Variants in FLRT3 observed in about 807,000 individuals in gnomAD.
FLRT3 encodes the protein fibronectin leucine rich transmembrane protein 3, also known as leucine-rich repeat transmembrane protein FLRT3.
Under a neutral mutation model 42.6 loss-of-function variants are expected in FLRT3, and 17 were observed. The observed-to-expected ratio is 0.40, with a 90% CI of 0.27 to 0.60. The LOEUF is 0.60. FLRT3 is among the 20% of genes least tolerant of loss of function. FLRT3 has a pLI of 0.44. For synonymous variants in FLRT3, 279 were observed against 286.4 expected (o/e 0.97, Z 0.26); for missense variants, 635 against 789.2 (o/e 0.80, Z 2.34).
chr20:14,325,020 G>T lies in FLRT3; in HGVS notation c.*537C>A, dbSNP rs1433724959. ...ATTACTTCACACATTTTGATTTATT[G>T]AATACCACTGGGATAATACAAATTT... On this transcript the variant is annotated 3_prime_UTR_variant, in exon 3 of 3. Coordinates refer to ENST00000341420, the MANE Select transcript of FLRT3 (RefSeq NM_198391.3). 6.6e-6 allele frequency: 1 copy of T among 152,402 alleles called. No individual in the cohort carries two copies. Among genetic ancestry groups the T allele is most frequent in the African/African-American group, 2.4e-5 (1 of 41,372 alleles). The allele number at this position is 152,402 out of a possible 1,614,324, so 9.4% of individuals were successfully genotyped here.
In FLRT3 at chr20:14,325,361, C is replaced by T. The variant is rs2082716707; in HGVS notation, c.*196G>A. ...GAATTGTGTTCAGGCATCTCCACTA[C>T]ATCAATCGCAGCAGTAACCTGAAAT... On this transcript the variant is annotated 3_prime_UTR_variant, in exon 3 of 3. Transcript: ENST00000341420. 2 of 494,956 alleles carry T rather than the reference C, an allele frequency of 4.0e-6. No individual in the cohort carries two copies. The highest frequency in any genetic ancestry group is 3.8e-5 in the Admixed American group (1 of 26,498). The allele number at this position is 494,956 out of a possible 1,614,324, so 30.7% of individuals were successfully genotyped here.
chr20:14,323,643 G>A lies in FLRT3; in HGVS notation c.*1914C>T, dbSNP rs2082689923. The A allele has an allele frequency of 6.6e-6, 1 of 152,080 alleles. No individual in the cohort carries two copies. Among genetic ancestry groups the A allele is most frequent in the African/African-American group, 2.4e-5 (1 of 41,428 alleles). 9.4% of individuals were successfully genotyped at this position (152,080 alleles called of 1,614,324 possible). On this transcript the variant is annotated 3_prime_UTR_variant, in exon 3 of 3. Transcript: ENST00000341420. ...TTCAATGATCAGACTTTATCTTGAA[G>A]CTACCTAGGGCCTGCCAGCTATCAG... is the stretch of plus-strand genomic sequence containing the variant.
At chr20:14,333,095 C>G (rs1378732190) in intron 1 of FLRT3, among the ~76,000 whole-genome samples, 2 of 151,900 alleles carry the variant, frequency 1.3e-5, no homozygotes, top group African/African-American at 4.8e-5. Flanking sequence ...AGAAGGACCT[C>G]TAACTCTCCT....
At position 14,336,491 on chromosome 20, in the gene FLRT3, A is replaced by G. The variant is rs149193663; in HGVS notation, c.-247+913T>C. Among the ~76,000 whole-genome samples the G allele has an allele frequency of 3.3e-3, 504 of 152,250 alleles. 2 individuals are homozygous for G. Among genetic ancestry groups the G allele is most frequent in the Non-Finnish European group, 4.0e-3 (273 of 68,008 alleles). On this transcript the variant is annotated intron_variant, in intron 1 of 2. Transcript: ENST00000341420. Reference sequence around the variant, plus strand: ...ATTTTTTGAGAAGATACATTTAACTACTTTTTCAAGCTTTGTAGTATAAAT... The same window carrying G: ...ATTTTTTGAGAAGATACATTTAACTGCTTTTTCAAGCTTTGTAGTATAAAT...
At chr20:14,333,552 C>CTT (rs1198264336) in intron 1 of FLRT3, among the ~76,000 whole-genome samples, 3 of 152,080 alleles carry the variant, frequency 2.0e-5, no homozygotes, top group African/African-American at 7.2e-5. Flanking sequence ...TAAATTTGTG[C>CTT]TTTTGAGCAA....
chr20:14,325,794 T>A lies in FLRT3; in HGVS notation c.1713A>T (p.Arg571Ser). ...RNCAYSKGRR[R>S]KDDYAEAGTK... ...TGCCAGCTTCTGCATAGTCATCCTT[T>A]CTTCTCCTCCCTTTGCTATATGCAC... Residue 571 changes from arginine (R) to serine (S), a missense_variant, in exon 3 of 3, where the codon AGA (arginine) becomes AGT (serine). By Grantham distance (110) the Arg-to-Ser change is moderately radical (BLOSUM62 -1). Coordinates refer to ENST00000341420, the MANE Select transcript of FLRT3 (RefSeq NM_198391.3). 6.2e-7 allele frequency: 1 copy of A among 1,613,932 alleles called. No individual in the cohort carries two copies. The highest frequency in any genetic ancestry group is 8.5e-7 in the Non-Finnish European group (1 of 1,179,860).
chr20:14,327,232 T>C lies in FLRT3; in HGVS notation c.275A>G (p.His92Arg), dbSNP rs1601484034. 1 of 1,613,736 alleles carries C rather than the reference T, an allele frequency of 6.2e-7. No homozygotes were observed. The highest frequency in any genetic ancestry group is 2.2e-5 in the East Asian group (1 of 44,872). ...LLKVERIYLY[H>R]NSLDEFPTNL... ...GGTAGGAAATTCATCTAAACTGTTGTGGTATAGGTATATTCTTTCTACTTT... is the reference window on the plus strand; with the variant it reads ...GGTAGGAAATTCATCTAAACTGTTGCGGTATAGGTATATTCTTTCTACTTT... The change falls in exon 3 of 3, where the codon CAC (histidine) becomes CGC (arginine). Residue 92 changes from histidine (H) to arginine (R), a missense_variant. His to Arg is a conservative substitution (Grantham distance 29). Coordinates refer to ENST00000341420, the MANE Select transcript of FLRT3 (RefSeq NM_198391.3).
chr20:14,329,327 C>A lies in FLRT3; in HGVS notation c.-246G>T, dbSNP rs773345097. ...TAAAATATACTGGGACTGAGCATCT[C>A]CTGTGAAAGTAAAAGGTTTTAATGA... On this transcript the variant is annotated splice_region_variant and 5_prime_UTR_variant, in exon 2 of 3. Coordinates refer to ENST00000341420, the MANE Select transcript of FLRT3 (RefSeq NM_198391.3). 6.6e-6 allele frequency: 1 copy of A among 152,030 alleles called. No individual in the cohort carries two copies. The highest frequency in any genetic ancestry group is 2.4e-5 in the African/African-American group (1 of 41,422). The allele number at this position is 152,030 out of a possible 1,614,324, so 9.4% of individuals were successfully genotyped here. A position where few individuals can be genotyped will look rare whatever the true frequency, so the allele number is the denominator to read the frequency against.
intron 1 of FLRT3, among the ~76,000 whole-genome samples, chr20:14,332,318 TAAG>T (rs1252543097): frequency 6.6e-6 from 1 of 152,046 alleles, no homozygotes; most frequent in Non-Finnish European, 1.5e-5. Context: ...GAAACTAATA[TAAG>T]AAGTTGTATC....
chr20:14,330,598 C>T (rs1005232453), intron 1 of FLRT3, among the ~76,000 whole-genome samples: 8 of 152,046 alleles, frequency 5.3e-5, no homozygotes, highest in African/African-American at 1.7e-4. Flanking sequence ...GCTATATTAA[C>T]GGAAGAAAAG....
chr20:14,336,960 T>C (rs893838277), intron 1 of FLRT3, among the ~76,000 whole-genome samples: 3 of 152,214 alleles, frequency 2.0e-5, no homozygotes, highest in Non-Finnish European at 4.4e-5. Context: ...ATGCTTTTCA[T>C]GTACTGCGTA....
At chr20:14,332,501 G>T (rs2082863713) in intron 1 of FLRT3, among the ~76,000 whole-genome samples, 2 of 152,046 alleles carry the variant, frequency 1.3e-5, no homozygotes, top group South Asian at 2.1e-4. Flanking sequence ...TAATAGTAGT[G>T]CTAACTTCTT....
intron 1 of FLRT3, among the ~76,000 whole-genome samples, 158 bp from the exon 2 acceptor site, chr20:14,329,485 C>G (rs1291227686): frequency 6.6e-6 from 1 of 152,010 alleles, no homozygotes; most frequent in Non-Finnish European, 1.5e-5. Flanking sequence ...TTAGACTTCT[C>G]ATTTTCTTAT....
chr20:14,331,512 T>C (rs767261853), intron 1 of FLRT3, among the ~76,000 whole-genome samples: 1 of 152,082 alleles, frequency 6.6e-6, no homozygotes, highest in Non-Finnish European at 1.5e-5. Context: ...TCTCCCCACA[T>C]TGTATTAAAA....
chr20:14,327,320 G>C lies in FLRT3; in HGVS notation c.187C>G (p.Leu63Val). The change falls in exon 3 of 3, where the codon CTC becomes GTC. Residue 63 changes from leucine to valine, a missense_variant. Transcript: ENST00000341420. The stretch of plus-strand genomic sequence containing the variant: ...TTTATTTGGTTGTTCTGAAGGTAGA[G>C]AGTTGTAGCATCCTCTGGTATTCCT... ...PTGIPEDATTLYLQNNQINNA... is the reference protein window; with the variant it reads ...PTGIPEDATTVYLQNNQINNA... 1 of 1,613,834 alleles carries C rather than the reference G, an allele frequency of 6.2e-7. No individual in the cohort carries two copies. The highest frequency in any genetic ancestry group is 1.1e-5 in the South Asian group (1 of 91,080).
intron 1 of FLRT3, among the ~76,000 whole-genome samples, chr20:14,336,337 T>C (rs1326264784): frequency 6.6e-6 from 1 of 152,094 alleles, no homozygotes; most frequent in African/African-American, 2.4e-5. Flanking sequence ...AAAATCAATT[T>C]TTTTTCTTTT....
rs1042049008 is a variant in FLRT3, at chr20:14,323,604, C to G, written c.*1953G>C. On this transcript the variant is annotated 3_prime_UTR_variant, in exon 3 of 3. Transcript: ENST00000341420. ...GGGTTGTAAGTCCCAACCCTATAATCATGTCTTGGTCTTTTCAATGATCAG... is the reference window on the plus strand; with the variant it reads ...GGGTTGTAAGTCCCAACCCTATAATGATGTCTTGGTCTTTTCAATGATCAG... The G allele has an allele frequency of 2.6e-5, 4 of 152,308 alleles. No individual in the cohort carries two copies. The East Asian group carries it at 7.7e-4, about 29-fold the overall frequency. The allele number at this position is 152,308 out of a possible 1,614,324, so 9.4% of individuals were successfully genotyped here.
chr20:14,327,022 G>A lies in FLRT3; in HGVS notation c.485C>T (p.Ser162Phe). Residue 162 changes from serine (S) to phenylalanine (F), a missense_variant, in exon 3 of 3, where the codon TCC (serine) becomes TTC (phenylalanine). Coordinates refer to ENST00000341420, the MANE Select transcript of FLRT3 (RefSeq NM_198391.3). ...DSNYLRLLFL[S>F]RNHLSTIPWG... ...GGGAATTGTGCTAAGGTGATTACGGGACAGGAAAAGCAGTCGGAGATAGTT... is the reference window on the plus strand; with the variant it reads ...GGGAATTGTGCTAAGGTGATTACGGAACAGGAAAAGCAGTCGGAGATAGTT... 6.2e-7 allele frequency: 1 copy of A among 1,613,736 alleles called. No individual in the cohort carries two copies. The highest frequency in any genetic ancestry group is 8.5e-7 in the Non-Finnish European group (1 of 1,179,772).
chr20:14,327,485 T>C lies in FLRT3; in HGVS notation c.22A>G (p.Ile8Val), dbSNP rs1233573225. MISAAWS[I>V]FLIGTKIGLF... ...CCAATTTTAGTCCCGATGAGGAAGATGCTCCAGGCTGCGCTGATCATGGTC... is the reference window on the plus strand; with the variant it reads ...CCAATTTTAGTCCCGATGAGGAAGACGCTCCAGGCTGCGCTGATCATGGTC... The change falls in exon 3 of 3, where the codon ATC (isoleucine) becomes GTC (valine). Residue 8 changes from isoleucine to valine, a missense_variant. Physicochemically the swap from Ile to Val is conservative, Grantham distance 29 (BLOSUM62 3). Coordinates refer to ENST00000341420, the MANE Select transcript of FLRT3 (RefSeq NM_198391.3). 4 of 1,612,982 alleles carry C rather than the reference T, an allele frequency of 2.5e-6. No homozygotes were observed. The South Asian group carries it at 3.3e-5, about 13-fold the overall frequency.
Sources: allele counts gnomAD v4.1 joint callset (sites outside exome capture counted in the v4.1 genomes callset), GRCh38; gene constraint gnomAD v4.1.1; transcripts MANE v1.5; gene names NCBI Gene and HGNC (gene_info 2026-07-23, HGNC 2026-07-21).